Variants in WDR64 observed in about 807,000 individuals in gnomAD.
WDR64 encodes the protein WD repeat-containing protein 64.
WDR64 carries 112 observed loss-of-function variants against 139.3 expected under a neutral mutation model. The observed-to-expected ratio is 0.80, with a 90% CI of 0.69 to 0.94. The LOEUF (loss-of-function observed/expected upper bound fraction) is 0.94, where lower values mean the gene tolerates loss of function less well. Among genes scored for constraint, WDR64 ranks in the 40% least tolerant of loss-of-function variants. The pLI, the probability that WDR64 is intolerant of heterozygous loss-of-function variation, is 0.00. For missense variants in WDR64, 1,206 were observed against 1,293.1 expected (o/e 0.93, Z 1.03); for synonymous variants, 444 against 437.7 (o/e 1.01, Z -0.18).
intron 26 of WDR64, 57 bp from the exon 27 acceptor site, chr1:241,796,200 C>A: frequency 7.8e-7 from 1 of 1,285,402 alleles, no homozygotes; most frequent in Non-Finnish European, 1.1e-6. Context: ...CTCCTGAATT[C>A]ATATTACAGA....
Position 241,657,546 on chromosome 1 carries a change from C to T in WDR64, c.146-2984C>T, listed in dbSNP as rs962866616. Among the ~76,000 whole-genome samples the T allele has an allele frequency of 4.6e-5, 7 of 152,234 alleles. No individual in the cohort carries two copies. The East Asian group carries it at 7.7e-4, about 17-fold the overall frequency. On this transcript the variant is annotated intron_variant, in intron 1 of 27. Coordinates refer to ENST00000437684, the MANE Select transcript of WDR64 (RefSeq NM_001367482.1). ...CCAAGCCTGTGCAGCCACAGGCCTT[C>T]GTGTTGATCAGCCTCTGCCTAAAAG... is the stretch of plus-strand genomic sequence containing the variant.
chr1:241,682,512 C>T (rs1471086934), intron 6 of WDR64, among the ~76,000 whole-genome samples: 1 of 152,196 alleles, frequency 6.6e-6, no homozygotes, highest in Non-Finnish European at 1.5e-5. Context: ...CAGTACCATG[C>T]TATTTTGGTG....
intron 13 of WDR64, among the ~76,000 whole-genome samples, chr1:241,748,419 C>T (rs1301677930): frequency 6.6e-6 from 1 of 152,156 alleles, no homozygotes; most frequent in Admixed American, 6.5e-5. Flanking sequence ...ATAGATGGTG[C>T]CTTCTCATTG....
chr1:241,726,351 C>T (rs1301315240), intron 10 of WDR64, among the ~76,000 whole-genome samples: 1 of 152,030 alleles, frequency 6.6e-6, no homozygotes, highest in Non-Finnish European at 1.5e-5. Context: ...GGGAGGATCG[C>T]TTGAGCCCAG....
intron 15 of WDR64, among the ~76,000 whole-genome samples, chr1:241,762,226 G>A (rs1657946940): frequency 6.6e-6 from 1 of 152,182 alleles, no homozygotes; most frequent in Admixed American, 6.5e-5. Flanking sequence ...TCACCGGCAT[G>A]AAAACAACAT....
intron 8 of WDR64, among the ~76,000 whole-genome samples, chr1:241,698,708 C>A (rs1462986860): frequency 6.6e-6 from 1 of 152,176 alleles, no homozygotes; most frequent in African/African-American, 2.4e-5. Flanking sequence ...TGTCCCCCAA[C>A]CTCCAGAAAT....
rs1658760390 is a variant in WDR64, at chr1:241,779,132, A to G, written c.2537-872A>G. On this transcript the variant is annotated intron_variant, in intron 21 of 27. Coordinates refer to ENST00000437684, the MANE Select transcript of WDR64 (RefSeq NM_001367482.1). ...CTTTACTTTTGAAGGTTAATTTTGCAAAGTACAGAATTCTAGGTTGGTCGG... is the reference window on the plus strand; with the variant it reads ...CTTTACTTTTGAAGGTTAATTTTGCGAAGTACAGAATTCTAGGTTGGTCGG... Among the ~76,000 whole-genome samples the G allele has an allele frequency of 3.3e-5, 5 of 152,244 alleles. No individual in the cohort carries two copies. The South Asian group carries it at 1.0e-3, about 32-fold the overall frequency.
In WDR64 at chr1:241,726,892, G is replaced by GTT. The variant is rs71174837; in HGVS notation, c.1194+3466_1194+3467dup. 9.2e-3 allele frequency among the ~76,000 whole-genome samples: 1,372 copies of GTT among 149,182 alleles called. 20 individuals are homozygous for GTT. The highest frequency in any genetic ancestry group is 0.031 in the African/African-American group (1,269 of 40,778). On this transcript the variant is annotated intron_variant, in intron 10 of 27. Coordinates refer to ENST00000437684, the MANE Select transcript of WDR64 (RefSeq NM_001367482.1). The stretch of plus-strand genomic sequence containing the variant: ...TACATTACTTTGTAATAAGGACAAA[G>GTT]TTTTTTTTTTTGAGACGAAGTTTCA...
At chr1:241,695,061 C>A (rs1391502691) in intron 8 of WDR64, among the ~76,000 whole-genome samples, 1 of 152,124 alleles carries the variant, frequency 6.6e-6, no homozygotes, top group Non-Finnish European at 1.5e-5. Context: ...ATTAGGCAAG[C>A]CTGTTGTTAA....
chr1:241,721,862 T>C (rs934169307), intron 9 of WDR64, among the ~76,000 whole-genome samples: 3 of 152,178 alleles, frequency 2.0e-5, no homozygotes, highest in African/African-American at 7.2e-5. Flanking sequence ...AAAATGTGAA[T>C]GGGTCAGACA....
At chr1:241,696,251 T>C (rs1558477036) in intron 8 of WDR64, among the ~76,000 whole-genome samples, 1 of 151,626 alleles carries the variant, frequency 6.6e-6, no homozygotes, top group Non-Finnish European at 1.5e-5. Flanking sequence ...TCCTCTTTTA[T>C]CTTATCAGCT....
intron 2 of WDR64, among the ~76,000 whole-genome samples, chr1:241,670,872 A>G (rs978071901): frequency 1.3e-5 from 2 of 152,200 alleles, no homozygotes; most frequent in Non-Finnish European, 2.9e-5. Flanking sequence ...AGTGTCTTCC[A>G]TGAAACTGGT....
At chr1:241,726,013 C>T (rs528554919) in intron 10 of WDR64, among the ~76,000 whole-genome samples, 1 of 151,356 alleles carries the variant, frequency 6.6e-6, no homozygotes, top group East Asian at 2.0e-4. Context: ...CCGTACGAAG[C>T]TAATTATTTT....
At chr1:241,772,972 A>G in intron 20 of WDR64, 41 bp downstream of exon 20, 1 of 1,517,346 alleles carries the variant, frequency 6.6e-7, no homozygotes. Context: ...AAAGAATGGG[A>G]AAGATAAAAA....
At chr1:241,674,960 TC>T (rs1453230546) in intron 4 of WDR64, among the ~76,000 whole-genome samples, 2 of 32,488 alleles carry the variant, frequency 6.2e-5, no homozygotes, top group African/African-American at 1.0e-4. Context: ...TCCTCTCTCC[TC>T]CCTTCTTTTT....
chr1:241,730,612 C>G (rs2148217568), intron 10 of WDR64, among the ~76,000 whole-genome samples: 1 of 152,260 alleles, frequency 6.6e-6, no homozygotes, highest in Admixed American at 6.5e-5. Context: ...AAATGTGGTT[C>G]CCTTGCATTG....
intron 6 of WDR64, 100 bp downstream of exon 6, chr1:241,679,695 T>A: frequency 2.0e-6 from 2 of 978,940 alleles, no homozygotes. Flanking sequence ...AGTTTCTTCA[T>A]CTATAAAATG....
intron 10 of WDR64, among the ~76,000 whole-genome samples, chr1:241,732,227 T>A (rs1435817459): frequency 6.6e-6 from 1 of 152,192 alleles, no homozygotes; most frequent in Non-Finnish European, 1.5e-5. Context: ...ATTCTAATTC[T>A]AAAGATTTCT....
chr1:241,672,493 A>G (rs1041512537), intron 3 of WDR64, among the ~76,000 whole-genome samples: 16 of 152,208 alleles, frequency 1.1e-4, no homozygotes, highest in Non-Finnish European at 2.4e-4. Flanking sequence ...AATATTTGCT[A>G]AAGTCTACTA....
Sources: allele counts gnomAD v4.1 joint callset (sites outside exome capture counted in the v4.1 genomes callset), GRCh38; gene constraint gnomAD v4.1.1; transcripts MANE v1.5; gene names NCBI Gene and HGNC (gene_info 2026-07-23, HGNC 2026-07-21).